SGCZ: variants seen among roughly 807,000 people sequenced by gnomAD.
SGCZ encodes the protein sarcoglycan zeta, also known as zeta-sarcoglycan.
SGCZ carries 40 observed loss-of-function variants against 41.3 expected under a neutral mutation model. The observed-to-expected ratio is 0.97, with a 90% CI of 0.75 to 1.26. The LOEUF (loss-of-function observed/expected upper bound fraction) is 1.26. SGCZ is among the 50% of genes most tolerant of loss of function. The pLI is 0.00. For synonymous variants in SGCZ, 206 were observed against 137.5 expected (o/e 1.50, Z -3.49); for missense variants, 552 against 369.8 (o/e 1.49, Z -4.04).
intron 1 of SGCZ, among the ~76,000 whole-genome samples, chr8:14,657,784 G>C (rs969212729): frequency 6.6e-6 from 1 of 152,086 alleles, no homozygotes; most frequent in Non-Finnish European, 1.5e-5. Context: ...TTTGTTTTAT[G>C]TATACTTGCA....
At chr8:14,349,386 T>A (rs1470954807) in intron 2 of SGCZ, among the ~76,000 whole-genome samples, 7 of 152,086 alleles carry the variant, frequency 4.6e-5, no homozygotes, top group Non-Finnish European at 7.4e-5. Flanking sequence ...TTATAGTATA[T>A]ATTTGTGGAT....
At chr8:14,342,358 C>A (rs1802739991) in intron 2 of SGCZ, among the ~76,000 whole-genome samples, 1 of 152,102 alleles carries the variant, frequency 6.6e-6, no homozygotes, top group African/African-American at 2.4e-5. Context: ...ACTCTGTCGC[C>A]CAGGCTGGAG....
chr8:14,412,958 C>A (rs538406620), intron 2 of SGCZ, among the ~76,000 whole-genome samples: 1 of 151,902 alleles, frequency 6.6e-6, no homozygotes, highest in Non-Finnish European at 1.5e-5. Flanking sequence ...AAAATCATAA[C>A]AAATAGCTAG....
intron 1 of SGCZ, among the ~76,000 whole-genome samples, chr8:14,897,316 TA>T (rs912536780): frequency 1.3e-5 from 2 of 152,188 alleles, no homozygotes; most frequent in African/African-American, 4.8e-5. Context: ...TCCCATCTGA[TA>T]AAAGGCAAAA....
At chr8:14,322,652 A>T (rs930532669) in intron 3 of SGCZ, among the ~76,000 whole-genome samples, 1 of 152,166 alleles carries the variant, frequency 6.6e-6, no homozygotes. Flanking sequence ...AAGTGACTTT[A>T]GAGATAAATC....
At position 14,909,014 on chromosome 8, in the gene SGCZ, A is replaced by G. The variant is rs185641636; in HGVS notation, c.39+328571T>C. The stretch of plus-strand genomic sequence containing the variant: ...CCTAACACCTGGGACAATGCTTGAC[A>G]TAAAATCGGGACTCTAATGATGAGT... On this transcript the variant is annotated intron_variant, in intron 1 of 7. Coordinates refer to ENST00000382080, the MANE Select transcript of SGCZ (RefSeq NM_139167.4). Among the ~76,000 whole-genome samples the G allele has an allele frequency of 5.3e-5, 8 of 152,296 alleles. No homozygotes were observed. The East Asian group carries it at 1.2e-3, about 22-fold the overall frequency.
intron 1 of SGCZ, among the ~76,000 whole-genome samples, chr8:15,157,950 G>T (rs1165157743): frequency 6.6e-6 from 1 of 152,132 alleles, no homozygotes; most frequent in African/African-American, 2.4e-5. Context: ...GTCCATTCCA[G>T]GGCCGCTCTT....
chr8:14,328,730 C>A (rs1173813147), intron 2 of SGCZ, among the ~76,000 whole-genome samples: 1 of 152,130 alleles, frequency 6.6e-6, no homozygotes, highest in East Asian at 1.9e-4. Flanking sequence ...TCAAATGTGT[C>A]CCCTCTAAAA....
chr8:14,731,363 C>T (rs773171832), intron 1 of SGCZ, among the ~76,000 whole-genome samples: 4 of 145,388 alleles, frequency 2.8e-5, no homozygotes, highest in Non-Finnish European at 6.0e-5. Context: ...GGGAGGGGAA[C>T]ATCACACACT....
chr8:15,121,510 C>T (rs534997717), intron 1 of SGCZ, among the ~76,000 whole-genome samples: 132 of 152,190 alleles, frequency 8.7e-4, no homozygotes, highest in African/African-American at 3.1e-3. Flanking sequence ...GGCAAAAAAC[C>T]CACCCATAAG....
chr8:14,172,363 GA>G (rs1804409719), intron 4 of SGCZ, among the ~76,000 whole-genome samples: 1 of 152,060 alleles, frequency 6.6e-6, no homozygotes, highest in African/African-American at 2.4e-5. Flanking sequence ...CTTTCATTTG[GA>G]AGGAACACAT....
At chr8:14,853,594 C>A in intron 1 of SGCZ, 1 of 435,508 alleles carries the variant, frequency 2.3e-6, no homozygotes, top group Non-Finnish European at 5.0e-6. Flanking sequence ...AAAAAAAATT[C>A]AGTCACTGAA....
At chr8:14,930,302 G>A (rs1018542455) in intron 1 of SGCZ, among the ~76,000 whole-genome samples, 2 of 152,046 alleles carry the variant, frequency 1.3e-5, no homozygotes, top group African/African-American at 2.4e-5. Context: ...TCTCATGCCA[G>A]TTAGAATGGC....
At chr8:15,199,080 T>C (rs1800819205) in intron 1 of SGCZ, among the ~76,000 whole-genome samples, 1 of 152,216 alleles carries the variant, frequency 6.6e-6, no homozygotes, top group East Asian at 1.9e-4. Flanking sequence ...CAAAACTAGG[T>C]ACCAAAACTT....
chr8:14,728,054 T>A (rs556930585), intron 1 of SGCZ, among the ~76,000 whole-genome samples: 1 of 152,242 alleles, frequency 6.6e-6, no homozygotes, highest in African/African-American at 2.4e-5. Flanking sequence ...GCAAAATGTA[T>A]CTACGGTGAT....
chr8:14,272,107 G>A (rs1260343936), intron 3 of SGCZ, among the ~76,000 whole-genome samples: 1 of 152,098 alleles, frequency 6.6e-6, no homozygotes, highest in African/African-American at 2.4e-5. Flanking sequence ...AGGTTCAAGC[G>A]ATTCTCCTGC....
At chr8:14,738,021 G>A (rs756802232) in intron 1 of SGCZ, among the ~76,000 whole-genome samples, 2 of 152,020 alleles carry the variant, frequency 1.3e-5, no homozygotes, top group African/African-American at 2.4e-5. Flanking sequence ...GTTCACACAG[G>A]TAGTGAGGTA....
chr8:14,865,828 G>C (rs1469192525), intron 1 of SGCZ, among the ~76,000 whole-genome samples: 1 of 152,004 alleles, frequency 6.6e-6, no homozygotes, highest in African/African-American at 2.4e-5. Flanking sequence ...TCTTATAAAG[G>C]AAAGAATTCT....
chr8:14,239,614 G>T (rs764143643), intron 3 of SGCZ, among the ~76,000 whole-genome samples: 2 of 152,078 alleles, frequency 1.3e-5, no homozygotes, highest in Non-Finnish European at 2.9e-5. Context: ...TATAGACTAT[G>T]TAAGTATATT....
Sources: allele counts gnomAD v4.1 joint callset (sites outside exome capture counted in the v4.1 genomes callset), GRCh38; gene constraint gnomAD v4.1.1; transcripts MANE v1.5; gene names NCBI Gene and HGNC (gene_info 2026-07-23, HGNC 2026-07-21).